Variants in UBAC1 observed in about 807,000 individuals in gnomAD.
UBAC1 encodes the protein UBA domain containing 1.
In UBAC1, 27 loss-of-function variants were observed where a neutral mutation model predicts 45.9. The observed-to-expected ratio is 0.59, with a 90% CI of 0.43 to 0.81. UBAC1 has a LOEUF of 0.81. Ranked by LOEUF, UBAC1 falls within the 30% of genes least tolerant of loss-of-function variation. The pLI, the probability that UBAC1 is intolerant of heterozygous loss-of-function variation, is 0.00. For synonymous variants in UBAC1, 227 were observed against 215.5 expected (o/e 1.05, Z -0.47); for missense variants, 529 against 539.2 (o/e 0.98, Z 0.19).
chr9:135,956,126 G>T (rs1839463091), intron 1 of UBAC1, among the ~76,000 whole-genome samples: 1 of 152,230 alleles, frequency 6.6e-6, no homozygotes, highest in Non-Finnish European at 1.5e-5. Context: ...ATGGGTAGCA[G>T]TGAGGGGATC....
chr9:135,955,204 A>T, intron 2 of UBAC1, 91 bp downstream of exon 2: 1 of 1,321,408 alleles, frequency 7.6e-7, no homozygotes, highest in Non-Finnish European at 9.9e-7. Context: ...CAGAACACTG[A>T]CTCCTGTGGG....
intron 1 of UBAC1, among the ~76,000 whole-genome samples, chr9:135,959,932 C>G (rs555498163): frequency 6.6e-6 from 1 of 152,308 alleles, no homozygotes; most frequent in African/African-American, 2.4e-5. Context: ...CCAGTGCGTT[C>G]CAGAAGGGGG....
In UBAC1 at chr9:135,939,979, C is replaced by A. The variant is rs750497566; in HGVS notation, c.877-220G>T. 2.6e-5 allele frequency among the ~76,000 whole-genome samples: 4 copies of A among 152,334 alleles called. No homozygotes were observed. In the South Asian group the frequency reaches 6.2e-4, roughly 24 times the overall value. ...GAAGTGCAGGGATGACTGTAGTTAGCAGAGCCGGGGGGCAGTGCAGCTCCC... is the reference window on the plus strand; with the variant it reads ...GAAGTGCAGGGATGACTGTAGTTAGAAGAGCCGGGGGGCAGTGCAGCTCCC... On this transcript the variant is annotated intron_variant, in intron 7 of 9. Coordinates refer to ENST00000371756, the MANE Select transcript of UBAC1 (RefSeq NM_016172.3).
intron 3 of UBAC1, among the ~76,000 whole-genome samples, chr9:135,950,621 T>C: frequency 6.6e-6 from 1 of 152,182 alleles, no homozygotes; most frequent in East Asian, 1.9e-4. Context: ...TCAATTATAC[T>C]AGTAATGAAA....
chr9:135,935,966 C>T (rs1399883872), intron 9 of UBAC1, among the ~76,000 whole-genome samples: 3 of 148,882 alleles, frequency 2.0e-5, no homozygotes, highest in Non-Finnish European at 4.4e-5. Flanking sequence ...GCGGAGCTTG[C>T]AGTGAGCTGA....
chr9:135,946,187 G>A (rs1318002955), intron 5 of UBAC1, 82 bp downstream of exon 5: 9 of 1,133,602 alleles, frequency 7.9e-6, no homozygotes, highest in Non-Finnish European at 1.2e-5. Context: ...GTTCCGGTCA[G>A]TGGTCAGTGC....
chr9:135,946,464 T>C (rs1415840634), intron 4 of UBAC1, 93 bp from the exon 5 acceptor site: 5 of 800,432 alleles, frequency 6.2e-6, no homozygotes, highest in Non-Finnish European at 1.1e-5. Context: ...CTCTTGATTC[T>C]GAGAGTTGAG....
chr9:135,933,689 T>A (rs1432743005), intron 9 of UBAC1, among the ~76,000 whole-genome samples, 174 bp from the exon 10 acceptor site: 1 of 152,110 alleles, frequency 6.6e-6, no homozygotes, highest in Non-Finnish European at 1.5e-5. Context: ...CCCAACTCCA[T>A]CGGATGCACC....
intron 4 of UBAC1, among the ~76,000 whole-genome samples, chr9:135,947,360 T>G (rs967772036): frequency 6.6e-6 from 1 of 152,124 alleles, no homozygotes; most frequent in Non-Finnish European, 1.5e-5. Context: ...CAAGTGATTC[T>G]CCTGTCTCAG....
intron 2 of UBAC1, 136 bp from the exon 3 acceptor site, chr9:135,953,889 A>G: frequency 3.5e-6 from 2 of 568,244 alleles, no homozygotes; most frequent in Non-Finnish European, 5.9e-6. Context: ...CTGTAATCCC[A>G]GCACTTTGGG....
intron 7 of UBAC1, among the ~76,000 whole-genome samples, chr9:135,940,855 T>C (rs867515076): frequency 6.6e-6 from 1 of 152,194 alleles, no homozygotes; most frequent in Non-Finnish European, 1.5e-5. Context: ...TCCCACTCTC[T>C]TGAAGCCCCC....
At chr9:135,943,050 A>T (rs1183509067) in intron 7 of UBAC1, among the ~76,000 whole-genome samples, 1 of 152,226 alleles carries the variant, frequency 6.6e-6, no homozygotes, top group Non-Finnish European at 1.5e-5. Flanking sequence ...CAGAATCTAC[A>T]TGGAATAAAC....
chr9:135,939,883 G>T, intron 7 of UBAC1, 124 bp from the exon 8 acceptor site: 1 of 736,914 alleles, frequency 1.4e-6, no homozygotes, highest in Non-Finnish European at 2.3e-6. Flanking sequence ...CACTGAGGAC[G>T]CTGTCCGTCC....
intron 5 of UBAC1, 121 bp from the exon 6 acceptor site, chr9:135,946,118 C>T (rs1467609714): frequency 1.1e-5 from 12 of 1,067,312 alleles, no homozygotes; most frequent in Non-Finnish European, 1.4e-5. Context: ...GGCACATCAA[C>T]AGGAGTTGCC....
chr9:135,935,501 T>C (rs1476195745), intron 9 of UBAC1, among the ~76,000 whole-genome samples: 1 of 151,990 alleles, frequency 6.6e-6, no homozygotes, highest in Non-Finnish European at 1.5e-5. Flanking sequence ...AAAAAATAGC[T>C]GGGCATGGTC....
Position 135,945,057 on chromosome 9 carries a change from T to A in UBAC1, c.847A>T (p.Arg283Trp). 1 of 1,613,914 alleles carries A rather than the reference T, an allele frequency of 6.2e-7. No individual in the cohort carries two copies. Among genetic ancestry groups the A allele is most frequent in the Non-Finnish European group, 8.5e-7 (1 of 1,179,928 alleles). ...ELTEIFKKIR[R>W]KREFRADARA... ...GCATCAGCCCGAAACTCCCTTTTCC[T>A]CCGGATCTTCTTGAAGATTTCCGTC... The change falls in exon 7 of 10, where the codon AGG becomes TGG. Residue 283 changes from arginine to tryptophan, a missense_variant. By Grantham distance (101) the Arg-to-Trp change is moderately radical (BLOSUM62 -3). Coordinates refer to ENST00000371756, the MANE Select transcript of UBAC1 (RefSeq NM_016172.3).
At chr9:135,956,100 G>A (rs1384343127) in intron 1 of UBAC1, among the ~76,000 whole-genome samples, 3 of 152,206 alleles carry the variant, frequency 2.0e-5, no homozygotes, top group Non-Finnish European at 4.4e-5. Flanking sequence ...CCCGGGCAGG[G>A]AACGGGAGGC....
chr9:135,936,025 CAAAAA>C (rs558643918), intron 9 of UBAC1, among the ~76,000 whole-genome samples: 1 of 61,286 alleles, frequency 1.6e-5, no homozygotes, highest in Non-Finnish European at 3.3e-5. Context: ...GATTCCATCT[CAAAAA>C]AAAAAAAAAA....
intron 2 of UBAC1, 132 bp downstream of exon 2, chr9:135,955,163 G>T (rs1366698103): frequency 4.2e-5 from 40 of 952,288 alleles, no homozygotes; most frequent in Non-Finnish European, 5.7e-5. Flanking sequence ...AATGCTTTTA[G>T]TCGATCTCGT....
Sources: gnomAD v4.1 joint callset for allele counts (sites outside exome capture counted in the v4.1 genomes callset) on GRCh38, gnomAD v4.1.1 for gene constraint, MANE v1.5 for transcripts, NCBI Gene and HGNC (gene_info 2026-07-23, HGNC 2026-07-21) for gene names.